Variants in ZNRF3 observed in about 807,000 individuals in gnomAD.
ZNRF3 encodes the protein E3 ubiquitin-protein ligase ZNRF3.
A neutral mutation model predicts 72.5 loss-of-function variants in ZNRF3; 23 were observed. The ratio of observed to expected loss-of-function variants is 0.32; its 90% confidence interval spans 0.23 to 0.45. The LOEUF is 0.45. Among genes scored for constraint, ZNRF3 ranks in the 20% least tolerant of loss-of-function variants. The pLI, the probability that ZNRF3 is intolerant of heterozygous loss-of-function variation, is 1.00. For synonymous variants in ZNRF3, 610 were observed against 545.3 expected (o/e 1.12, Z -1.65); for missense variants, 1,169 against 1,272.1 (o/e 0.92, Z 1.23).
At chr22:29,001,130 G>A (rs1320379750) in intron 2 of ZNRF3, among the ~76,000 whole-genome samples, 15 of 134,968 alleles carry the variant, frequency 1.1e-4, no homozygotes, top group Non-Finnish European at 2.2e-4. Flanking sequence ...GTGCAGTGGC[G>A]CGATTTCAGC....
chr22:28,902,173 G>A (rs1466419396), intron 1 of ZNRF3, among the ~76,000 whole-genome samples: 1 of 152,060 alleles, frequency 6.6e-6, no homozygotes, highest in Admixed American at 6.5e-5. Context: ...CTGACCTCAG[G>A]TGATCCACCT....
chr22:28,970,356 C>CTGA (rs1186923832), intron 1 of ZNRF3, among the ~76,000 whole-genome samples: 1 of 152,134 alleles, frequency 6.6e-6, no homozygotes, highest in African/African-American at 2.4e-5. Flanking sequence ...AATTAAAAGG[C>CTGA]TGATACTAAA....
At position 28,893,694 on chromosome 22, in the gene ZNRF3, C is replaced by G. The variant is rs990940270; in HGVS notation, c.300+9628C>G. Among the ~76,000 whole-genome samples, 34 of 152,244 alleles carry G rather than the reference C, an allele frequency of 2.2e-4. 3 individuals carry two copies. The South Asian group carries it at 4.2e-3, about 19-fold the overall frequency. The stretch of plus-strand genomic sequence containing the variant: ...TGTATTTTCTGTAGAGATGGGGTTT[C>G]CCCATGTTGCTCAGGCTGGTCTTGA... On this transcript the variant is annotated intron_variant, in intron 1 of 8. Transcript: ENST00000544604.
At chr22:28,989,494 G>A (rs2035916789) in intron 2 of ZNRF3, among the ~76,000 whole-genome samples, 1 of 152,150 alleles carries the variant, frequency 6.6e-6, no homozygotes, top group African/African-American at 2.4e-5. Flanking sequence ...CAAAAAAATA[G>A]GTTAAAGGAA....
rs943507617 is a variant in ZNRF3 at position 29,007,752 on chromosome 22, CTTTTTTTTT to C, written c.426+20565_426+20573del. Among the ~76,000 whole-genome samples the C allele has an allele frequency of 4.6e-4, 20 of 43,676 alleles. 1 individual carries two copies. The highest frequency in any genetic ancestry group is 5.3e-4 in the Non-Finnish European group (10 of 19,044). The allele number at this position is 43,676 out of a possible 152,430, so 28.7% of individuals were successfully genotyped here. A position where few individuals can be genotyped will look rare whatever the true frequency, so the allele number is the denominator to read the frequency against. On this transcript the variant is annotated intron_variant, in intron 2 of 8. Coordinates refer to ENST00000544604, the MANE Select transcript of ZNRF3 (RefSeq NM_001206998.2). ...CCTTTCATAGAAATTCCATTTCTTCCTTTTTTTTTTTTTTTTTTTTTTGAGACAGAGTTT... is the reference window on the plus strand; with the variant it reads ...CCTTTCATAGAAATTCCATTTCTTCCTTTTTTTTTTTTTGAGACAGAGTTT...
At chr22:28,985,389 C>T (rs5762936) in intron 1 of ZNRF3, among the ~76,000 whole-genome samples, 67,087 of 151,848 alleles carry the variant, frequency 0.44, 16,573 homozygotes, top group Admixed American at 0.56. Context: ...ACTGACCTCT[C>T]TCTCTCGTTT....
chr22:28,892,949 C>T lies in ZNRF3; in HGVS notation c.300+8883C>T, dbSNP rs534289417. On this transcript the variant is annotated intron_variant, in intron 1 of 8. Transcript: ENST00000544604. ...TTGGGAGGCTGAGGCGGGCAGATCA[C>T]GAGGTCAGGAGATCGAGACCACCCT... 2.9e-4 allele frequency among the ~76,000 whole-genome samples: 44 copies of T among 152,122 alleles called. No homozygotes were observed. In the South Asian group the frequency reaches 6.6e-3, roughly 23 times the overall value.
chr22:29,011,782 G>A (rs970357477), intron 2 of ZNRF3, among the ~76,000 whole-genome samples: 7 of 152,210 alleles, frequency 4.6e-5, no homozygotes, highest in African/African-American at 9.6e-5. Context: ...AAATCCTCCC[G>A]CTGGGGAATG....
intron 1 of ZNRF3, among the ~76,000 whole-genome samples, chr22:28,923,520 TTTATTATA>T (rs1468159068): frequency 6.6e-6 from 1 of 151,702 alleles, no homozygotes; most frequent in Non-Finnish European, 1.5e-5. Context: ...TTTTCAAGCT[TTTATTATA>T]GGAAATGTTA....
intron 1 of ZNRF3, among the ~76,000 whole-genome samples, chr22:28,906,622 A>G (rs963255901): frequency 1.3e-5 from 2 of 152,230 alleles, no homozygotes; most frequent in Non-Finnish European, 2.9e-5. Flanking sequence ...TGCTTAACAC[A>G]TGTTCGGTTG....
rs141709588 is a variant in ZNRF3, at chr22:29,015,306, C to T, written c.427-27189C>T. ...AACTTACCAGTTTGAATTGTTTTAACGCTTATTGTAGCCTAAGAAGTCCAA... is the reference window on the plus strand; with the variant it reads ...AACTTACCAGTTTGAATTGTTTTAATGCTTATTGTAGCCTAAGAAGTCCAA... On this transcript the variant is annotated intron_variant, in intron 2 of 8. Transcript: ENST00000544604. 3.5e-3 allele frequency among the ~76,000 whole-genome samples: 534 copies of T among 152,254 alleles called. 1 individual carries two copies. The highest frequency in any genetic ancestry group is 0.012 in the African/African-American group (508 of 41,548).
At chr22:28,952,503 T>A (rs1335930089) in intron 1 of ZNRF3, among the ~76,000 whole-genome samples, 1 of 151,810 alleles carries the variant, frequency 6.6e-6, no homozygotes, top group African/African-American at 2.4e-5. Context: ...ATGTTTTTTT[T>A]TTTTTTTTAA....
intron 1 of ZNRF3, among the ~76,000 whole-genome samples, chr22:28,936,903 A>C (rs1356784206): frequency 1.3e-5 from 2 of 152,072 alleles, no homozygotes; most frequent in East Asian, 3.9e-4. Flanking sequence ...GCTGGGGATT[A>C]TATATCTACC....
chr22:28,954,365 A>G (rs1199466193), intron 1 of ZNRF3, among the ~76,000 whole-genome samples: 12 of 152,134 alleles, frequency 7.9e-5, no homozygotes, highest in Admixed American at 7.9e-4. Flanking sequence ...GCTCTCTGGC[A>G]TCTCTTCTTA....
intron 1 of ZNRF3, among the ~76,000 whole-genome samples, chr22:28,936,107 A>G (rs1279105496): frequency 6.6e-6 from 1 of 152,154 alleles, no homozygotes; most frequent in Admixed American, 6.5e-5. Flanking sequence ...CAACCGCCAT[A>G]GTTTTGTTTC....
rs758990133 is a variant in ZNRF3, at chr22:29,046,696, G to A, written c.745-20G>A. 3.8e-6 allele frequency: 6 copies of A among 1,580,916 alleles called. No homozygotes were observed. Among genetic ancestry groups the A allele is most frequent in the Non-Finnish European group, 5.2e-6 (6 of 1,162,800 alleles). On this transcript the variant is annotated intron_variant, in intron 5 of 8. Transcript: ENST00000544604. ...TTCATACGTACTGGACCCTCACACA[G>A]ACTACATTCTGCCCTGCAGAATTCC... is the stretch of plus-strand genomic sequence containing the variant.
Position 28,987,126 on chromosome 22 carries a change from A to C in ZNRF3, c.351A>C (p.Glu117Asp). 6.2e-7 allele frequency: 1 copy of C among 1,614,046 alleles called. No homozygotes were observed. Among genetic ancestry groups the C allele is most frequent in the Non-Finnish European group, 8.5e-7 (1 of 1,179,972 alleles). ...ACAATGACGAAGAGGACTTGTATGA[A>C]TATGGCTGGGTAGGAGTGGTGAAGC... is the stretch of plus-strand genomic sequence containing the variant. Reference protein sequence around the residue: ...CNNNDEEDLYEYGWVGVVKLE... With the variant: ...CNNNDEEDLYDYGWVGVVKLE... Residue 117 changes from glutamate to aspartate, a missense_variant, in exon 2 of 9, where the codon GAA becomes GAC. Physicochemically the swap from Glu to Asp is conservative, Grantham distance 45 (BLOSUM62 2). Coordinates refer to ENST00000544604, the MANE Select transcript of ZNRF3 (RefSeq NM_001206998.2).
chr22:28,946,701 A>G (rs933383059), intron 1 of ZNRF3, among the ~76,000 whole-genome samples: 2 of 152,218 alleles, frequency 1.3e-5, no homozygotes, highest in Non-Finnish European at 2.9e-5. Context: ...TGATGGTTCT[A>G]TGAACAGTTT....
chr22:29,038,791 G>A (rs2036908380), intron 2 of ZNRF3, among the ~76,000 whole-genome samples: 1 of 152,068 alleles, frequency 6.6e-6, no homozygotes, highest in Non-Finnish European at 1.5e-5. Context: ...GGTGTGTGCA[G>A]GAAATACAAA....
Sources: gnomAD v4.1 joint callset for allele counts (sites outside exome capture counted in the v4.1 genomes callset) on GRCh38, gnomAD v4.1.1 for gene constraint, MANE v1.5 for transcripts, NCBI Gene and HGNC (gene_info 2026-07-23, HGNC 2026-07-21) for gene names.